ZNF592: variants seen among roughly 807,000 people sequenced by gnomAD.
The protein encoded by ZNF592 is zinc finger protein 592.
In ZNF592, 11 loss-of-function variants were observed where a neutral mutation model predicts 80.3. The observed-to-expected ratio is 0.14, with a 90% confidence interval of 0.09 to 0.23. ZNF592 has a LOEUF of 0.23. Among genes scored for constraint, ZNF592 ranks in the 10% least tolerant of loss-of-function variants. ZNF592 has a pLI of 1.00. For missense variants in ZNF592, 1,420 were observed against 1,633.9 expected, an observed-to-expected ratio of 0.87 and a Z score of 2.26; for synonymous variants, 646 against 640.3, an observed-to-expected ratio of 1.01 and a Z score of -0.13.
Position 84,771,480 on chromosome 15 carries a change from A to G in ZNF592, c.-150+6665A>G, listed in dbSNP as rs367966168. On this transcript the variant is annotated intron_variant, in intron 2 of 10. Coordinates refer to ENST00000560079, the MANE Select transcript of ZNF592 (RefSeq NM_014630.3). Reference sequence around the variant, plus strand: ...GTGTGAGAGAACCACCACTGGGGTCAGAATGAAAGGTATCCTGGCAAGTGG... The same window carrying G: ...GTGTGAGAGAACCACCACTGGGGTCGGAATGAAAGGTATCCTGGCAAGTGG... Among the ~76,000 whole-genome samples the G allele has an allele frequency of 2.0e-3, 297 of 152,276 alleles. 3 individuals carry two copies. The highest frequency in any genetic ancestry group is 6.7e-3 in the African/African-American group (278 of 41,556).
chr15:84,784,357 G>A lies in ZNF592; in HGVS notation c.1682G>A (p.Ser561Asn), dbSNP rs751983283. The A allele has an allele frequency of 5.6e-6, 9 of 1,614,200 alleles. No individual in the cohort carries two copies. In the East Asian group the frequency reaches 2.0e-4, roughly 36 times the overall value. The change falls in exon 4 of 11, where the codon AGC becomes AAC. Residue 561 changes from serine to asparagine, a missense_variant. By Grantham distance (46) the Ser-to-Asn change is conservative. Coordinates refer to ENST00000560079, the MANE Select transcript of ZNF592 (RefSeq NM_014630.3). This position sits in a 1 kb window ranked among gnomAD's most constrained non-coding sequence, Gnocchi z 5.8. ...IVEVFNKVLH[S>N]SNPVPLYAPN... ...GAGGTCTTCAACAAGGTCCTTCACA[G>A]CTCCAACCCCGTGCCCCTCTATGCG...
chr15:84,782,918 G>C lies in ZNF592; in HGVS notation c.243G>C (p.Ala81=). 2 of 1,614,178 alleles carry C rather than the reference G, an allele frequency of 1.2e-6. No homozygotes were observed. Among genetic ancestry groups the C allele is most frequent in the Non-Finnish European group, 1.7e-6 (2 of 1,180,028 alleles). ...CCAGCCGCCAGGAGTCATTTGAAGCGGAGAAAGACCACATTACTCCCAGTC... is the reference window on the plus strand; with the variant it reads ...CCAGCCGCCAGGAGTCATTTGAAGCCGAGAAAGACCACATTACTCCCAGTC... ...KNTSRQESFE[A]EKDHITPSLL... The change falls in exon 4 of 11, where the codon GCG becomes GCC. Residue 81 remains alanine, a synonymous_variant. Coordinates refer to ENST00000560079, the MANE Select transcript of ZNF592 (RefSeq NM_014630.3).
intron 2 of ZNF592, among the ~76,000 whole-genome samples, chr15:84,775,525 C>T (rs1262429545): frequency 6.6e-6 from 1 of 152,120 alleles, no homozygotes; most frequent in Non-Finnish European, 1.5e-5. Context: ...CTCCACCTCC[C>T]GAATTCAAGA....
intron 2 of ZNF592, among the ~76,000 whole-genome samples, chr15:84,765,755 T>C (rs1340727997): frequency 6.6e-6 from 1 of 151,940 alleles, no homozygotes; most frequent in East Asian, 1.9e-4. Flanking sequence ...GCCAGGATGG[T>C]CTCCATCTCT....
chr15:84,791,720 A>G (rs1303656393), intron 5 of ZNF592, among the ~76,000 whole-genome samples: 2 of 152,218 alleles, frequency 1.3e-5, no homozygotes, highest in African/African-American at 4.8e-5. Flanking sequence ...AAGTCCCACA[A>G]TAGAGAAATG....
At chr15:84,772,201 A>G (rs191715927) in intron 2 of ZNF592, among the ~76,000 whole-genome samples, 3 of 152,114 alleles carry the variant, frequency 2.0e-5, no homozygotes, top group Admixed American at 1.3e-4. Context: ...CTGAAGTTTC[A>G]CTAAGTTCCC....
chr15:84,778,248 G>A lies in ZNF592; in HGVS notation c.-84G>A. The A allele has an allele frequency of 3.7e-6, 1 of 269,124 alleles. No homozygotes were observed. The highest frequency in any genetic ancestry group is 7.3e-6 in the Non-Finnish European group (1 of 136,708). 16.7% of individuals were successfully genotyped at this position (269,124 alleles called of 1,614,324 possible). On this transcript the variant is annotated 5_prime_UTR_variant, in exon 3 of 11. Coordinates refer to ENST00000560079, the MANE Select transcript of ZNF592 (RefSeq NM_014630.3). ...GAAGGAAGACGCTCCCCCGTACGGA[G>A]ACAGAGGGAGGGGGGGCTCCAAAGC...
At chr15:84,757,776 A>G (rs1272871152) in intron 1 of ZNF592, among the ~76,000 whole-genome samples, 1 of 150,464 alleles carries the variant, frequency 6.6e-6, no homozygotes, top group African/African-American at 2.5e-5. Flanking sequence ...CTCCTGCCTC[A>G]GCCTCCCAAG....
chr15:84,786,708 T>G (rs1962593593), intron 4 of ZNF592, among the ~76,000 whole-genome samples: 1 of 152,058 alleles, frequency 6.6e-6, no homozygotes, highest in African/African-American at 2.4e-5. Flanking sequence ...GGGGCTTCAG[T>G]GTTCTTGCTG....
intron 4 of ZNF592, among the ~76,000 whole-genome samples, chr15:84,787,284 G>A (rs185984504): frequency 5.9e-5 from 9 of 152,272 alleles, no homozygotes; most frequent in East Asian, 3.9e-4. Flanking sequence ...AGCACCCGCC[G>A]ACAGGAAGGG....
chr15:84,799,600 G>A lies in ZNF592; in HGVS notation c.3138-242G>A, dbSNP rs1401484148. ...TAGCCTAGCACTTGGGTCTCTGGGC[G>A]GTGACATCAGGTAGTGTTCAGTGAG... On this transcript the variant is annotated intron_variant, in intron 9 of 10. Coordinates refer to ENST00000560079, the MANE Select transcript of ZNF592 (RefSeq NM_014630.3). The surrounding 1 kb of genome is among the most constrained non-coding windows in gnomAD (Gnocchi z 4.2). Among the ~76,000 whole-genome samples, 2 of 152,182 alleles carry A rather than the reference G, an allele frequency of 1.3e-5. No individual in the cohort carries two copies. Among genetic ancestry groups the A allele is most frequent in the Non-Finnish European group, 2.9e-5 (2 of 68,028 alleles).
Position 84,783,373 on chromosome 15 carries a change from A to G in ZNF592, c.698A>G (p.Asp233Gly). ...QNTVEPHKDP[D>G]ATRFFGEALE... ...ACAGTGGAACCTCACAAGGATCCGG[A>G]TGCCACTCGATTCTTCGGGGAAGCT... The change falls in exon 4 of 11, where the codon GAT becomes GGT. Residue 233 changes from aspartate to glycine, a missense_variant. Around this residue, in one of 7 missense-constraint regions of ZNF592, gnomAD observed 373 missense variants for 355.5 expected, o/e 1.05. Transcript: ENST00000560079. This position sits in a 1 kb window ranked among gnomAD's most constrained non-coding sequence, Gnocchi z 5.0. 1.2e-6 allele frequency: 2 copies of G among 1,614,232 alleles called. No homozygotes were observed. Among genetic ancestry groups the G allele is most frequent in the South Asian group, 1.1e-5 (1 of 91,088 alleles).
Position 84,783,492 on chromosome 15 carries a change from C to T in ZNF592, c.817C>T (p.Arg273Cys), listed in dbSNP as rs1450876360. 1.9e-6 allele frequency: 3 copies of T among 1,614,104 alleles called. No individual in the cohort carries two copies. The highest frequency in any genetic ancestry group is 2.5e-6 in the Non-Finnish European group (3 of 1,180,050). The change falls in exon 4 of 11, where the codon CGT becomes TGT. Residue 273 changes from arginine (R) to cysteine (C), a missense_variant. Coordinates refer to ENST00000560079, the MANE Select transcript of ZNF592 (RefSeq NM_014630.3). This position sits in a 1 kb window ranked among gnomAD's most constrained non-coding sequence, Gnocchi z 5.0. ...GTCSSVPPRQ[R>C]LKPAHSKLSS... ...CTGCTCATCAGTCCCCCCTAGGCAGCGTCTAAAGCCAGCTCATTCCAAGCT... is the reference window on the plus strand; with the variant it reads ...CTGCTCATCAGTCCCCCCTAGGCAGTGTCTAAAGCCAGCTCATTCCAAGCT...
In ZNF592 at chr15:84,784,465, C is replaced by T. The variant is rs1269852306; in HGVS notation, c.1790C>T (p.Ala597Val). ...YCCLECGDAF[A>V]LEKSLSQHYG... ...TGCCTGGAGTGTGGAGACGCATTTG[C>T]CTTAGAGAAGAGCCTGAGCCAGCAC... The change falls in exon 4 of 11, where the codon GCC (alanine) becomes GTC (valine). Residue 597 changes from alanine (A) to valine (V), a missense_variant. By Grantham distance (64) the Ala-to-Val change is moderately conservative (BLOSUM62 0). Coordinates refer to ENST00000560079, the MANE Select transcript of ZNF592 (RefSeq NM_014630.3). This position sits in a 1 kb window ranked among gnomAD's most constrained non-coding sequence, Gnocchi z 5.8. 6.2e-7 allele frequency: 1 copy of T among 1,614,096 alleles called. No homozygotes were observed. The highest frequency in any genetic ancestry group is 8.5e-7 in the Non-Finnish European group (1 of 1,180,046).
intron 2 of ZNF592, among the ~76,000 whole-genome samples, chr15:84,765,679 C>T (rs1164699145): frequency 6.6e-6 from 1 of 151,452 alleles, no homozygotes; most frequent in African/African-American, 2.4e-5. Context: ...GCTGGGACTA[C>T]AGGTGCATGC....
intron 3 of ZNF592, 107 bp from the exon 4 acceptor site, chr15:84,782,550 C>T (rs1962448068): frequency 1.0e-5 from 11 of 1,052,966 alleles, no homozygotes; most frequent in Non-Finnish European, 1.5e-5. Flanking sequence ...ATGTGGGGTT[C>T]TGCATGGGTG....
At position 84,796,651 on chromosome 15, in the gene ZNF592, C is replaced by T. The variant is rs546571331; in HGVS notation, c.2400-1218C>T. ...TTGTGAAGTTGAAACAAGTTCCATA[C>T]GGCCTCAATTTCAGAAAAATGGTTT... is the stretch of plus-strand genomic sequence containing the variant. On this transcript the variant is annotated intron_variant, in intron 5 of 10. Transcript: ENST00000560079. Among the ~76,000 whole-genome samples the T allele has an allele frequency of 2.3e-4, 35 of 151,854 alleles. No homozygotes were observed. The South Asian group carries it at 4.0e-3, about 17-fold the overall frequency.
At chr15:84,763,343 C>G (rs1427242325) in intron 1 of ZNF592, among the ~76,000 whole-genome samples, 2 of 152,226 alleles carry the variant, frequency 1.3e-5, no homozygotes, top group Non-Finnish European at 2.9e-5. Context: ...TGCATCCAAA[C>G]TGCATGATTG....
At position 84,769,515 on chromosome 15, in the gene ZNF592, C is replaced by G. The variant is rs1290254557; in HGVS notation, c.-150+4700C>G. 2.0e-5 allele frequency among the ~76,000 whole-genome samples: 3 copies of G among 150,522 alleles called. No homozygotes were observed. The East Asian group carries it at 5.9e-4, about 30-fold the overall frequency. On this transcript the variant is annotated intron_variant, in intron 2 of 10. Transcript: ENST00000560079. ...ACCGAGATCTGGTGGGAGAATGTTTCAAGCAGAGGGAGTGGTGACTGCAGA... is the reference window on the plus strand; with the variant it reads ...ACCGAGATCTGGTGGGAGAATGTTTGAAGCAGAGGGAGTGGTGACTGCAGA...
Sources: allele counts gnomAD v4.1 joint callset (sites outside exome capture counted in the v4.1 genomes callset), GRCh38; gene constraint gnomAD v4.1.1; regional missense constraint gnomAD v4.1.1; non-coding constraint Gnocchi (gnomAD v3.1); transcripts MANE v1.5; gene names NCBI Gene and HGNC (gene_info 2026-07-23, HGNC 2026-07-21).